The following COL22A1 variants were observed in gnomAD, a reference collection of about 807,000 sequenced individuals.
COL22A1 encodes the protein collagen type XXII alpha 1 chain, also known as collagen alpha-1(XXII) chain.
COL22A1 carries 221 observed loss-of-function variants against 248.9 expected under a neutral mutation model. That is an observed-to-expected ratio of 0.89 (90% CI 0.80 to 0.99). The LOEUF is 0.99. Ranked by LOEUF, COL22A1 falls within the 50% of genes least tolerant of loss-of-function variation. The pLI, the probability that COL22A1 is intolerant of heterozygous loss-of-function variation, is 0.00. For synonymous variants in COL22A1, 891 were observed against 793.4 expected, an observed-to-expected ratio of 1.12 and a Z score of -2.07; for missense variants, 2,240 against 2,179.0, an observed-to-expected ratio of 1.03 and a Z score of -0.56.
At chr8:138,804,973 A>T (rs13255736) in intron 10 of COL22A1, among the ~76,000 whole-genome samples, 1 of 122,468 alleles carries the variant, frequency 8.2e-6, no homozygotes, top group African/African-American at 2.9e-5. Flanking sequence ...AGGTAATGGT[A>T]TGTGGTGGTG....
rs769147648 is a variant in COL22A1 at position 138,885,510 on chromosome 8, C to T, written c.-72-2266G>A. The stretch of plus-strand genomic sequence containing the variant: ...CCCTGGAGGGTTAAGTCTAGAGATA[C>T]GCCCCTGCCTCAAATCCCTCCTACC... On this transcript the variant is annotated intron_variant, in intron 1 of 64. Coordinates refer to ENST00000303045, the MANE Select transcript of COL22A1 (RefSeq NM_152888.3). Among the ~76,000 whole-genome samples the T allele has an allele frequency of 3.0e-4, 46 of 152,176 alleles. No homozygotes were observed. In the Middle Eastern group the frequency reaches 9.5e-3, roughly 31 times the overall value.
chr8:138,611,432 C>A (rs1363432801), intron 56 of COL22A1, among the ~76,000 whole-genome samples: 1 of 152,198 alleles, frequency 6.6e-6, no homozygotes, highest in Non-Finnish European at 1.5e-5. Context: ...GATGCAAAAG[C>A]CCAGTGAGGG....
intron 23 of COL22A1, among the ~76,000 whole-genome samples, chr8:138,730,836 G>A (rs994158570): frequency 6.6e-6 from 1 of 151,840 alleles, no homozygotes; most frequent in African/African-American, 2.4e-5. Context: ...TGGAATAGGA[G>A]AGGAAGGAAG....
intron 32 of COL22A1, among the ~76,000 whole-genome samples, chr8:138,695,455 T>C (rs954027237): frequency 3.3e-5 from 5 of 152,116 alleles, no homozygotes; most frequent in Admixed American, 6.5e-5. Flanking sequence ...CAGCCTCCTG[T>C]GTACCTGCCT....
In COL22A1 at chr8:138,762,466, C is replaced by T; in HGVS notation, c.1804G>A (p.Gly602Arg). ...GGGAATCCATCCAGGCCTCGCTCTC[C>T]CTGGCAAAAGAAGGCAAATGGTGAA... ...RGEKGTRGEK[G>R]ERGLDGFPGK... The change falls in exon 17 of 65, where the codon GGA (glycine) becomes AGA (arginine). Residue 602 changes from glycine to arginine, a missense_variant and splice_region_variant. Gly to Arg is a moderately radical substitution (Grantham distance 125). Coordinates refer to ENST00000303045, the MANE Select transcript of COL22A1 (RefSeq NM_152888.3). 1 of 1,614,140 alleles carries T rather than the reference C, an allele frequency of 6.2e-7. No homozygotes were observed. Among genetic ancestry groups the T allele is most frequent in the Non-Finnish European group, 8.5e-7 (1 of 1,180,014 alleles).
chr8:138,852,153 T>C (rs1006246832), intron 3 of COL22A1, among the ~76,000 whole-genome samples: 1 of 151,742 alleles, frequency 6.6e-6, no homozygotes, highest in African/African-American at 2.4e-5. Flanking sequence ...AATGGTGAGA[T>C]GAGGTAGAAG....
chr8:138,763,231 A>T (rs1833643295), intron 16 of COL22A1, among the ~76,000 whole-genome samples: 1 of 152,058 alleles, frequency 6.6e-6, no homozygotes, highest in African/African-American at 2.4e-5. Flanking sequence ...TACCAAAAAT[A>T]CAAAAATTAG....
intron 45 of COL22A1, among the ~76,000 whole-genome samples, chr8:138,651,966 A>G (rs7460457): frequency 0.6 from 91,831 of 152,158 alleles, 32,642 homozygotes; most frequent in Non-Finnish European, 0.8. Context: ...ATGCAGGATT[A>G]TTTCCTGAAG....
At position 138,820,845 on chromosome 8, in the gene COL22A1, G is replaced by A. The variant is rs73366848; in HGVS notation, c.1245+291C>T. Among the ~76,000 whole-genome samples the A allele has an allele frequency of 2.2e-3, 340 of 152,276 alleles. 1 individual carries two copies. Among genetic ancestry groups the A allele is most frequent in the South Asian group, 9.1e-3 (44 of 4,822 alleles). ...AGTCTTGCTCTCTTTTGCGGGTACCGGTGTCCCCAGTGCAGAGCACAGTGC... is the reference window on the plus strand; with the variant it reads ...AGTCTTGCTCTCTTTTGCGGGTACCAGTGTCCCCAGTGCAGAGCACAGTGC... On this transcript the variant is annotated intron_variant, in intron 7 of 64. Transcript: ENST00000303045.
intron 12 of COL22A1, among the ~76,000 whole-genome samples, chr8:138,786,589 C>G (rs539765482): frequency 2.0e-5 from 3 of 152,228 alleles, no homozygotes; most frequent in Non-Finnish European, 4.4e-5. Flanking sequence ...GACTCATCAT[C>G]AGCTGCCCAT....
At chr8:138,867,080 G>C (rs2131988046) in intron 3 of COL22A1, among the ~76,000 whole-genome samples, 1 of 152,340 alleles carries the variant, frequency 6.6e-6, no homozygotes, top group Middle Eastern at 3.4e-3. Flanking sequence ...GGGCCCGATA[G>C]TAAATAGCCT....
chr8:138,722,129 A>G (rs1009612680), intron 25 of COL22A1, 40 bp from the exon 26 acceptor site: 19 of 1,518,666 alleles, frequency 1.3e-5, no homozygotes, highest in Admixed American at 8.2e-5. Context: ...AAGGAAAGGC[A>G]TATTTAGGAA....
Position 138,619,515 on chromosome 8 carries a change from G to T in COL22A1, c.3772-7C>A. 1 of 1,613,720 alleles carries T rather than the reference G, an allele frequency of 6.2e-7. No individual in the cohort carries two copies. The highest frequency in any genetic ancestry group is 1.1e-5 in the South Asian group (1 of 91,078). On this transcript the variant is annotated splice_region_variant and splice_polypyrimidine_tract_variant and intron_variant, in intron 52 of 64. Coordinates refer to ENST00000303045, the MANE Select transcript of COL22A1 (RefSeq NM_152888.3). ...CTGGCTCTCCTGCTTTGCCCTGAGA[G>T]TAAGGAAGAAAAGAAGAGTTTGAGG...
At chr8:138,814,763 CAT>C (rs1818538381) in intron 7 of COL22A1, among the ~76,000 whole-genome samples, 1 of 152,116 alleles carries the variant, frequency 6.6e-6, no homozygotes, top group African/African-American at 2.4e-5. Flanking sequence ...TGAGACAGTA[CAT>C]GTTTGTTGTT....
intron 3 of COL22A1, among the ~76,000 whole-genome samples, chr8:138,872,269 C>G (rs1477984324): frequency 6.6e-6 from 1 of 152,154 alleles, no homozygotes; most frequent in Non-Finnish European, 1.5e-5. Context: ...ATGAACACAT[C>G]CACAACAGGG....
At chr8:138,601,996 C>A in intron 60 of COL22A1, 119 bp downstream of exon 60, 1 of 984,508 alleles carries the variant, frequency 1.0e-6, no homozygotes, top group East Asian at 2.4e-5. Context: ...TCACTACAGG[C>A]GGCATGATCC....
chr8:138,865,698 T>C (rs1019941269), intron 3 of COL22A1, among the ~76,000 whole-genome samples: 2 of 151,196 alleles, frequency 1.3e-5, no homozygotes, highest in South Asian at 4.2e-4. Flanking sequence ...TGTATATGTT[T>C]GTATGCCTGT....
intron 11 of COL22A1, 129 bp downstream of exon 11, chr8:138,802,743 G>T: frequency 1.4e-6 from 1 of 738,150 alleles, no homozygotes; most frequent in Non-Finnish European, 2.5e-6. Flanking sequence ...CTTGAGGGTG[G>T]TGTGGGAGTA....
chr8:138,647,056 G>A (rs1803164318), intron 46 of COL22A1, among the ~76,000 whole-genome samples: 2 of 152,194 alleles, frequency 1.3e-5, no homozygotes, highest in South Asian at 2.1e-4. Context: ...TAGAGTATAA[G>A]ATGGCTCACT....
Sources: gnomAD v4.1 joint callset for allele counts (sites outside exome capture counted in the v4.1 genomes callset) on GRCh38, gnomAD v4.1.1 for gene constraint, MANE v1.5 for transcripts, NCBI Gene and HGNC (gene_info 2026-07-23, HGNC 2026-07-21) for gene names.